PDCD2: variants seen among roughly 807,000 people sequenced by gnomAD.
PDCD2 encodes the protein programmed cell death 2, also known as uS5 assembly chaperone PDCD2.
PDCD2 carries 38 observed loss-of-function variants against 38.1 expected under a neutral mutation model. The observed-to-expected ratio is 1.00, with a 90% CI of 0.77 to 1.31. The LOEUF is 1.31. PDCD2 is among the 50% of genes most tolerant of loss of function. The probability of loss-of-function intolerance (pLI) is 0.00; values close to 1 mark genes in which losing one functional copy is unlikely to be tolerated. For missense variants in PDCD2, 473 were observed against 435.7 expected (o/e 1.09, Z -0.76); for synonymous variants, 205 against 168.9 (o/e 1.21, Z -1.66).
rs760257138 is a variant in PDCD2 at position 170,583,695 on chromosome 6, A to T, written c.336T>A (p.Pro112=). Residue 112 remains proline (P), a synonymous_variant, in exon 2 of 6, where the codon CCT becomes CCA. Transcript: ENST00000541970. ...CTGTTTCTGGGGGAGGATTCTCAGA[A>T]GGTGGCTCATATGAGTAAAAATCGT... ...RKNDFYSYEP[P]SENPPPETGE... is the part of the protein sequence containing the mutation. The T allele has an allele frequency of 1.2e-6, 2 of 1,613,814 alleles. No individual in the cohort carries two copies. The highest frequency in any genetic ancestry group is 4.5e-5 in the East Asian group (2 of 44,876).
At position 170,583,620 on chromosome 6, in the gene PDCD2, A is replaced by C. The variant is rs777853006; in HGVS notation, c.411T>G (p.Val137=). ...QLKSGAHLCR[V]CGCLGPKTCS... is the part of the protein sequence containing the mutation. ...ACGTTTTGGGGCCTAAACAGCCACA[A>C]ACCCTGCAGAGATGAGCACCAGACT... Residue 137 remains valine, a synonymous_variant, in exon 2 of 6, where the codon GTT becomes GTG. Transcript: ENST00000541970. 3.7e-6 allele frequency: 6 copies of C among 1,614,044 alleles called. No individual in the cohort carries two copies. The Admixed American group carries it at 1.0e-4, about 27-fold the overall frequency.
chr6:170,580,168 C>G, intron 3 of PDCD2, 63 bp from the exon 4 acceptor site: 11 of 948,568 alleles, frequency 1.2e-5, no homozygotes, highest in Non-Finnish European at 1.7e-5. Flanking sequence ...ACAATTCACA[C>G]ATGGAGAGGG....
At chr6:170,583,820 A>G in intron 1 of PDCD2, 73 bp from the exon 2 acceptor site, 1 of 1,129,190 alleles carries the variant, frequency 8.9e-7, no homozygotes, top group Non-Finnish European at 1.2e-6. Flanking sequence ...CTCTGCACGT[A>G]AAACTGAAAA....
intron 3 of PDCD2, chr6:170,582,323 A>T: frequency 6.5e-7 from 1 of 1,534,322 alleles, no homozygotes; most frequent in Non-Finnish European, 8.7e-7. Flanking sequence ...TTTGGAATGT[A>T]TGACTGGTAT....
At position 170,576,836 on chromosome 6, in the gene PDCD2, A is replaced by G. The variant is rs1050174924; in HGVS notation, c.*723T>C. The G allele has an allele frequency of 5.3e-5, 8 of 152,256 alleles. No individual in the cohort carries two copies. The highest frequency in any genetic ancestry group is 1.9e-4 in the African/African-American group (8 of 41,464). The allele number at this position is 152,256 out of a possible 1,614,324, so 9.4% of individuals were successfully genotyped here. On this transcript the variant is annotated 3_prime_UTR_variant, in exon 6 of 6. Coordinates refer to ENST00000541970, the MANE Select transcript of PDCD2 (RefSeq NM_002598.4). Reference sequence around the variant, plus strand: ...TAAGCAGGGCCGCTGGCTGACCAAGATCAGTTCTGAAGGTCCAGCCTCTTT... The same window carrying G: ...TAAGCAGGGCCGCTGGCTGACCAAGGTCAGTTCTGAAGGTCCAGCCTCTTT...
intron 1 of PDCD2, 139 bp downstream of exon 1, chr6:170,584,160 C>T: frequency 2.1e-6 from 2 of 956,042 alleles, no homozygotes; most frequent in Non-Finnish European, 2.8e-6. Context: ...GGAGAAGGTG[C>T]TCCTGGGGCA....
intron 3 of PDCD2, chr6:170,581,629 C>T (rs1779599675): frequency 6.4e-6 from 1 of 157,332 alleles, no homozygotes; most frequent in African/African-American, 2.4e-5. Flanking sequence ...TACGTAGACA[C>T]AATCAACATT....
chr6:170,584,076 C>A (rs550317416), intron 1 of PDCD2: 1 of 495,272 alleles, frequency 2.0e-6, no homozygotes, highest in Non-Finnish European at 3.4e-6. Flanking sequence ...TGATTAAAAG[C>A]TGGGGGTTAC....
Position 170,584,326 on chromosome 6 carries a change from C to G in PDCD2, c.256G>C (p.Glu86Gln). The change falls in exon 1 of 6, where the codon GAG (glutamate) becomes CAG (glutamine). Residue 86 changes from glutamate to glutamine, a missense_variant. Glu to Gln is a conservative substitution (Grantham distance 29). Coordinates refer to ENST00000541970, the MANE Select transcript of PDCD2 (RefSeq NM_002598.4). The stretch of plus-strand genomic sequence containing the variant: ...CGCAGGCCGGCACAGCACGGCTGCT[C>G]GCGGCAGCAGAAGAGGAAGATGCAG... ...HRCIFLFCCREQPCCAGLRVF... is the reference protein window; with the variant it reads ...HRCIFLFCCRQQPCCAGLRVF... 1 of 1,495,954 alleles carries G rather than the reference C, an allele frequency of 6.7e-7. No individual in the cohort carries two copies. The highest frequency in any genetic ancestry group is 8.9e-7 in the Non-Finnish European group (1 of 1,128,056). 92.7% of individuals were successfully genotyped at this position (1,495,954 alleles called of 1,614,324 possible).
chr6:170,578,645 C>T (rs1395433145), intron 5 of PDCD2: 5 of 703,230 alleles, frequency 7.1e-6, no homozygotes, highest in Non-Finnish European at 7.8e-6. Context: ...GTCAATAGAC[C>T]GTGTCTGAAA....
intron 1 of PDCD2, 161 bp from the exon 2 acceptor site, chr6:170,583,908 G>T: frequency 1.5e-6 from 1 of 646,816 alleles, no homozygotes; most frequent in Non-Finnish European, 2.6e-6. Context: ...ATTTCGTCCG[G>T]TACACGCAAC....
At chr6:170,583,793 A>G (rs1216263843) in intron 1 of PDCD2, 46 bp from the exon 2 acceptor site, 2 of 1,438,868 alleles carry the variant, frequency 1.4e-6, no homozygotes, top group Non-Finnish European at 1.9e-6. Context: ...ACAAAACAGC[A>G]ATTCACATAT....
At chr6:170,580,607 C>T (rs549267978) in intron 3 of PDCD2, among the ~76,000 whole-genome samples, 3 of 152,108 alleles carry the variant, frequency 2.0e-5, no homozygotes, top group South Asian at 2.1e-4. Flanking sequence ...CCCAGCTACT[C>T]GGGAGGCTGA....
At position 170,583,732 on chromosome 6, in the gene PDCD2, A is replaced by ATACCC. The variant is rs1779701079; in HGVS notation, c.298_299insGGGTA (p.Leu100ArgfsTer44). 6.2e-7 allele frequency: 1 copy of ATACCC among 1,608,536 alleles called. No individual in the cohort carries two copies. The highest frequency in any genetic ancestry group is 1.7e-5 in the Admixed American group (1 of 59,292). ...TGAGTAAAAATCGTTTTTCCTGGGTAGTTGATTCCTAAAAACTAAAAAAGA... is the reference window on the plus strand; with the variant it reads ...TGAGTAAAAATCGTTTTTCCTGGGTATACCCGTTGATTCCTAAAAACTAAAAAAGA... On this transcript the variant is annotated frameshift_variant, in exon 2 of 6. Transcript: ENST00000541970. LOFTEE classifies it high-confidence loss of function.
At position 170,580,065 on chromosome 6, in the gene PDCD2, A is replaced by G; in HGVS notation, c.699T>C (p.His233=). Residue 233 remains histidine, a synonymous_variant, in exon 4 of 6, where the codon CAT becomes CAC. Transcript: ENST00000541970. The part of the protein sequence containing the change: ...LEEELDSMAK[H]ESREDKIFQK... ...GAAAAATTTTATCTTCCCTGGATTC[A>G]TGTTTTGCCATGGAATCCAGTTCTT... The G allele has an allele frequency of 1.9e-6, 3 of 1,612,168 alleles. No homozygotes were observed. The highest frequency in any genetic ancestry group is 2.5e-6 in the Non-Finnish European group (3 of 1,178,568).
chr6:170,575,365 C>G lies in PDCD2; in HGVS notation c.*2194G>C, dbSNP rs1209028658. The G allele has an allele frequency of 6.6e-6, 1 of 151,156 alleles. No homozygotes were observed. Among genetic ancestry groups the G allele is most frequent in the African/African-American group, 2.4e-5 (1 of 41,020 alleles). The allele number at this position is 151,156 out of a possible 1,614,324, so 9.4% of individuals were successfully genotyped here. A position where few individuals can be genotyped will look rare whatever the true frequency, so the allele number is the denominator to read the frequency against. On this transcript the variant is annotated 3_prime_UTR_variant, in exon 6 of 6. Coordinates refer to ENST00000541970, the MANE Select transcript of PDCD2 (RefSeq NM_002598.4). ...GAAATTGCCAAAGGATATTCAGTAT[C>G]TGAAATAAAAAGGCAAAGCTGAATA... is the stretch of plus-strand genomic sequence containing the variant.
Position 170,584,560 on chromosome 6 carries a change from G to A in PDCD2, c.22C>T (p.Pro8Ser). The change falls in exon 1 of 6, where the codon CCT becomes TCT. Residue 8 changes from proline to serine, a missense_variant. By Grantham distance (74) the Pro-to-Ser change is moderately conservative. Transcript: ENST00000541970. ...GACTCGGCGAAGCCCAGCTCCACAG[G>A]CCTGGCCCCGGCGGCAGCCATGCGG... MAAAGAR[P>S]VELGFAESAP... 7.7e-7 allele frequency: 1 copy of A among 1,294,788 alleles called. No individual in the cohort carries two copies. Among genetic ancestry groups the A allele is most frequent in the Non-Finnish European group, 9.8e-7 (1 of 1,024,598 alleles). 80.2% of individuals were successfully genotyped at this position (1,294,788 alleles called of 1,614,324 possible).
intron 3 of PDCD2, 74 bp from the exon 4 acceptor site, chr6:170,580,179 G>A: frequency 1.2e-6 from 1 of 828,638 alleles, no homozygotes; most frequent in South Asian, 1.5e-5. Context: ...ATGGAGAGGG[G>A]ACCCACTTTT....
At chr6:170,580,579 G>A (rs1317229668) in intron 3 of PDCD2, among the ~76,000 whole-genome samples, 2 of 152,176 alleles carry the variant, frequency 1.3e-5, no homozygotes, top group Admixed American at 6.5e-5. Context: ...GCCAGACGTG[G>A]TGGTAGGTGC....
Sources: allele counts gnomAD v4.1 joint callset (sites outside exome capture counted in the v4.1 genomes callset), GRCh38; gene constraint gnomAD v4.1.1; transcripts MANE v1.5; gene names NCBI Gene and HGNC (gene_info 2026-07-23, HGNC 2026-07-21).